Variants in KSR2 observed in about 807,000 individuals in gnomAD.
KSR2 encodes the protein kinase suppressor of ras 2.
A neutral mutation model predicts 107.8 loss-of-function variants in KSR2; 25 were observed. The observed-to-expected ratio is 0.23, with a 90% confidence interval of 0.17 to 0.32. The LOEUF is 0.32. KSR2 is among the 10% of genes least tolerant of loss of function. The pLI, the probability that KSR2 is intolerant of heterozygous loss-of-function variation, is 1.00. For synonymous variants in KSR2, 480 were observed against 507.0 expected (o/e 0.95, Z 0.71); for missense variants, 887 against 1,268.9 (o/e 0.70, Z 4.57).
intron 9 of KSR2, among the ~76,000 whole-genome samples, chr12:117,548,121 A>AC (rs768606343): frequency 2.0e-5 from 3 of 151,800 alleles, no homozygotes; most frequent in Non-Finnish European, 4.4e-5. Flanking sequence ...TAGGGAACTC[A>AC]CCACTGTGTC....
chr12:117,790,297 G>C (rs1205865912), intron 3 of KSR2, among the ~76,000 whole-genome samples: 1 of 152,000 alleles, frequency 6.6e-6, no homozygotes, highest in Non-Finnish European at 1.5e-5. Flanking sequence ...CAATCAGCAT[G>C]TGTAAGAGGT....
At chr12:117,694,848 T>TC (rs1411199415) in intron 4 of KSR2, among the ~76,000 whole-genome samples, 35,574 of 126,742 alleles carry the variant, frequency 0.28, 4,646 homozygotes, top group African/African-American at 0.31. Context: ...TATGATTCTT[T>TC]TTTTTTTTTT....
At chr12:117,758,027 T>C (rs1196484786) in intron 4 of KSR2, among the ~76,000 whole-genome samples, 1 of 152,182 alleles carries the variant, frequency 6.6e-6, no homozygotes, top group East Asian at 1.9e-4. Flanking sequence ...TTCATTTTTT[T>C]AATGCTGGTC....
intron 1 of KSR2, among the ~76,000 whole-genome samples, chr12:117,949,848 G>C (rs1165914559): frequency 1.3e-5 from 2 of 152,108 alleles, no homozygotes; most frequent in African/African-American, 4.8e-5. Flanking sequence ...AACTCAGTAA[G>C]TATATGCTTA....
At chr12:117,620,729 T>C (rs988798223) in intron 5 of KSR2, among the ~76,000 whole-genome samples, 2 of 152,208 alleles carry the variant, frequency 1.3e-5, no homozygotes, top group African/African-American at 4.8e-5. Flanking sequence ...GACACTTCTC[T>C]GTGAGCTGTG....
intron 10 of KSR2, among the ~76,000 whole-genome samples, chr12:117,535,646 G>A (rs1025172685): frequency 2.3e-5 from 3 of 130,580 alleles, no homozygotes; most frequent in Non-Finnish European, 3.4e-5. Context: ...GTGTGTGTGT[G>A]TGTTTCAAGA....
chr12:117,920,687 G>T (rs1474869094), intron 1 of KSR2, among the ~76,000 whole-genome samples: 1 of 152,052 alleles, frequency 6.6e-6, no homozygotes. Flanking sequence ...TTTTTCCCAA[G>T]AGTATATTCT....
chr12:117,925,416 G>A (rs145284216), intron 1 of KSR2, among the ~76,000 whole-genome samples: 50 of 152,142 alleles, frequency 3.3e-4, no homozygotes, highest in African/African-American at 9.9e-4. Flanking sequence ...AAGCCACCAC[G>A]TCCAGCTTAT....
intron 3 of KSR2, among the ~76,000 whole-genome samples, chr12:117,837,646 A>G (rs10850907): frequency 0.17 from 26,138 of 152,166 alleles, 4,380 homozygotes; most frequent in African/African-American, 0.44. Flanking sequence ...GTGGAGCTTG[A>G]AAAATCTGTC....
intron 14 of KSR2, among the ~76,000 whole-genome samples, chr12:117,508,344 C>A (rs1230021997): frequency 6.6e-6 from 1 of 152,180 alleles, no homozygotes; most frequent in Non-Finnish European, 1.5e-5. Context: ...TCCATCACAT[C>A]CCAGAAGAAA....
intron 4 of KSR2, among the ~76,000 whole-genome samples, chr12:117,707,249 G>A (rs1352835394): frequency 1.3e-5 from 2 of 152,096 alleles, no homozygotes; most frequent in Non-Finnish European, 2.9e-5. Context: ...GTAGGGATGG[G>A]GGTAAAATAG....
chr12:117,492,927 C>T (rs911458630), intron 14 of KSR2, among the ~76,000 whole-genome samples: 3 of 152,108 alleles, frequency 2.0e-5, no homozygotes, highest in Non-Finnish European at 4.4e-5. Context: ...AATGGATTCT[C>T]CCCTAGAATC....
intron 1 of KSR2, among the ~76,000 whole-genome samples, chr12:117,864,452 C>CAT (rs1301032014): frequency 1.3e-5 from 2 of 152,086 alleles, no homozygotes; most frequent in Non-Finnish European, 2.9e-5. Context: ...CGCACACACA[C>CAT]ATATATATAT....
chr12:117,866,180 G>C (rs1441404361), intron 1 of KSR2, among the ~76,000 whole-genome samples: 4 of 151,976 alleles, frequency 2.6e-5, no homozygotes, highest in African/African-American at 4.8e-5. Context: ...GGGACAACAG[G>C]TATGTGCCAC....
chr12:117,786,319 A>T (rs1890073649), intron 3 of KSR2, among the ~76,000 whole-genome samples: 2 of 151,538 alleles, frequency 1.3e-5, no homozygotes, highest in Non-Finnish European at 1.5e-5. Context: ...CATATTTTTT[A>T]TTTTTTTTAT....
intron 1 of KSR2, among the ~76,000 whole-genome samples, chr12:117,962,974 C>T (rs767870444): frequency 2.7e-5 from 4 of 145,548 alleles, no homozygotes; most frequent in Non-Finnish European, 6.0e-5. Context: ...CACTGGAGGT[C>T]GGGAGTTTGA....
chr12:117,789,333 G>A (rs1003716116), intron 3 of KSR2, among the ~76,000 whole-genome samples: 12 of 152,194 alleles, frequency 7.9e-5, no homozygotes, highest in Admixed American at 2.6e-4. Context: ...CCCAGGTGGC[G>A]TTATTAGGGG....
chr12:117,612,531 A>C (rs1344071051), intron 5 of KSR2, among the ~76,000 whole-genome samples: 1 of 152,218 alleles, frequency 6.6e-6, no homozygotes, highest in African/African-American at 2.4e-5. Context: ...CCTTTTTCAA[A>C]GGTCAGCCAG....
chr12:117,960,652 C>T (rs1896635009), intron 1 of KSR2, among the ~76,000 whole-genome samples: 2 of 152,176 alleles, frequency 1.3e-5, no homozygotes, highest in African/African-American at 2.4e-5. Flanking sequence ...GAGTCCATAC[C>T]TAACTGCAGG....
Sources: allele counts gnomAD v4.1 joint callset (sites outside exome capture counted in the v4.1 genomes callset), GRCh38; gene constraint gnomAD v4.1.1; transcripts MANE v1.5; gene names NCBI Gene and HGNC (gene_info 2026-07-23, HGNC 2026-07-21).